TOX: variants seen among roughly 807,000 people sequenced by gnomAD.
TOX encodes thymocyte selection associated high mobility group box.
In TOX, 11 loss-of-function variants were observed where a neutral mutation model predicts 53.7. The ratio of observed to expected loss-of-function variants is 0.20; its 90% CI spans 0.13 to 0.34. The LOEUF (loss-of-function observed/expected upper bound fraction) is 0.34. TOX is among the 10% of genes least tolerant of loss of function. The pLI, the probability that TOX is intolerant of heterozygous loss-of-function variation, is 1.00. For synonymous variants in TOX, 225 were observed against 245.3 expected (o/e 0.92, Z 0.77); for missense variants, 570 against 664.6 (o/e 0.86, Z 1.56).
intron 6 of TOX, among the ~76,000 whole-genome samples, chr8:58,816,919 C>T (rs765171261): frequency 8.5e-5 from 13 of 152,234 alleles, no homozygotes; most frequent in African/African-American, 2.6e-4. Context: ...GCTTACATTA[C>T]GGTTAGCAAC....
At chr8:59,010,220 G>C (rs919035926) in intron 1 of TOX, among the ~76,000 whole-genome samples, 2 of 152,242 alleles carry the variant, frequency 1.3e-5, no homozygotes, top group South Asian at 4.2e-4. Context: ...AGGATACAAA[G>C]CATACTTAAT....
intron 1 of TOX, among the ~76,000 whole-genome samples, chr8:59,058,677 T>C (rs1384626357): frequency 6.6e-6 from 1 of 152,114 alleles, no homozygotes; most frequent in Non-Finnish European, 1.5e-5. Flanking sequence ...CTGACTATGA[T>C]GAGTTGTGCG....
At chr8:58,927,826 C>A (rs1177129218) in intron 3 of TOX, among the ~76,000 whole-genome samples, 2 of 152,148 alleles carry the variant, frequency 1.3e-5, no homozygotes, top group Non-Finnish European at 2.9e-5. Flanking sequence ...AGCCTCACCA[C>A]CAGCACGAAA....
At chr8:59,116,009 C>T (rs1224911360) in intron 1 of TOX, among the ~76,000 whole-genome samples, 1 of 151,952 alleles carries the variant, frequency 6.6e-6, no homozygotes, top group Non-Finnish European at 1.5e-5. Context: ...GTAAAACAAT[C>T]ACATTTTAGT....
intron 2 of TOX, among the ~76,000 whole-genome samples, chr8:58,950,267 G>A (rs926609653): frequency 6.6e-6 from 1 of 151,838 alleles, no homozygotes; most frequent in Non-Finnish European, 1.5e-5. Flanking sequence ...AATACATGCT[G>A]TACGTGTCTA....
At chr8:58,977,677 T>C (rs755831310) in intron 1 of TOX, among the ~76,000 whole-genome samples, 1 of 152,178 alleles carries the variant, frequency 6.6e-6, no homozygotes, top group Non-Finnish European at 1.5e-5. Context: ...GGGCTATTAA[T>C]TGGCCCATTT....
At chr8:59,085,979 C>CTTTTTTTT (rs35593177) in intron 1 of TOX, among the ~76,000 whole-genome samples, 26 of 88,824 alleles carry the variant, frequency 2.9e-4, no homozygotes, top group Non-Finnish European at 5.1e-4. Context: ...CTTTTCTTTT[C>CTTTTTTTT]TTTTTTTTTT....
intron 2 of TOX, among the ~76,000 whole-genome samples, chr8:58,957,610 G>A (rs961682390): frequency 1.3e-5 from 2 of 152,154 alleles, no homozygotes; most frequent in African/African-American, 4.8e-5. Context: ...TTAGAATTAT[G>A]CTATTTGCTT....
At chr8:59,013,411 G>GA (rs1554539046) in intron 1 of TOX, among the ~76,000 whole-genome samples, 2 of 52,716 alleles carry the variant, frequency 3.8e-5, no homozygotes, top group South Asian at 1.5e-3. Flanking sequence ...TATCAGATAG[G>GA]CCTTTTTTTT....
At chr8:59,038,272 G>A (rs1353083524) in intron 1 of TOX, among the ~76,000 whole-genome samples, 9 of 152,086 alleles carry the variant, frequency 5.9e-5, no homozygotes, top group South Asian at 2.1e-4. Flanking sequence ...ATGGCTACCC[G>A]AACACAAAGT....
chr8:59,037,803 A>G (rs913209364), intron 1 of TOX, among the ~76,000 whole-genome samples: 5 of 116,708 alleles, frequency 4.3e-5, no homozygotes, highest in Non-Finnish European at 8.9e-5. Context: ...CTCCATCTCA[A>G]AAAAAAAAAA....
At chr8:59,093,159 C>T (rs1485861816) in intron 1 of TOX, among the ~76,000 whole-genome samples, 1 of 152,162 alleles carries the variant, frequency 6.6e-6, no homozygotes, top group African/African-American at 2.4e-5. Flanking sequence ...CCTTTTTAAT[C>T]CTTTCTGTTC....
At chr8:58,981,505 C>T (rs1292472018) in intron 1 of TOX, among the ~76,000 whole-genome samples, 1 of 152,080 alleles carries the variant, frequency 6.6e-6, no homozygotes, top group Non-Finnish European at 1.5e-5. Flanking sequence ...CATAATATTG[C>T]CAGAAATAAT....
chr8:59,060,216 G>A (rs528392254), intron 1 of TOX, among the ~76,000 whole-genome samples: 2 of 152,216 alleles, frequency 1.3e-5, no homozygotes, highest in East Asian at 1.9e-4. Context: ...TGATAGCCCC[G>A]TGTCTTTATG....
intron 3 of TOX, among the ~76,000 whole-genome samples, chr8:58,904,998 TC>T (rs1203212077): frequency 6.6e-6 from 1 of 152,202 alleles, no homozygotes; most frequent in Non-Finnish European, 1.5e-5. Flanking sequence ...AGTGGTACGA[TC>T]TTGGCTCACT....
chr8:58,909,660 CTTTT>C (rs34509406), intron 3 of TOX, among the ~76,000 whole-genome samples: 1 of 143,010 alleles, frequency 7.0e-6, no homozygotes, highest in Admixed American at 7.0e-5. Context: ...CTCTCTCTCT[CTTTT>C]TTTTTTTTTT....
chr8:59,048,018 A>T (rs996208995), intron 1 of TOX, among the ~76,000 whole-genome samples: 1 of 152,178 alleles, frequency 6.6e-6, no homozygotes, highest in Non-Finnish European at 1.5e-5. Flanking sequence ...TTATTATAGT[A>T]ATGTACCTTC....
At chr8:59,032,213 A>G (rs571732892) in intron 1 of TOX, among the ~76,000 whole-genome samples, 1 of 152,166 alleles carries the variant, frequency 6.6e-6, no homozygotes, top group South Asian at 2.1e-4. Flanking sequence ...AGCCCTAAGT[A>G]ACTAGGATGG....
At chr8:59,070,425 C>T (rs1202245413) in intron 1 of TOX, among the ~76,000 whole-genome samples, 1 of 151,530 alleles carries the variant, frequency 6.6e-6, no homozygotes, top group Non-Finnish European at 1.5e-5. Flanking sequence ...GAGTTAGAAA[C>T]ATCTCAAGGA....
Sources: gnomAD v4.1 joint callset for allele counts (sites outside exome capture counted in the v4.1 genomes callset) on GRCh38, gnomAD v4.1.1 for gene constraint, MANE v1.5 for transcripts, NCBI Gene and HGNC (gene_info 2026-07-23, HGNC 2026-07-21) for gene names.